SLC24A2: variants seen among roughly 807,000 people sequenced by gnomAD.
SLC24A2 encodes solute carrier family 24 member 2.
In SLC24A2, 36 loss-of-function variants were observed where a neutral mutation model predicts 62.0. That is an observed-to-expected ratio of 0.58 (90% CI 0.44 to 0.77). The LOEUF (loss-of-function observed/expected upper bound fraction) is 0.77, where lower values mean the gene tolerates loss of function less well. SLC24A2 is among the 30% of genes least tolerant of loss of function. The pLI, the probability that SLC24A2 is intolerant of heterozygous loss-of-function variation, is 0.00. For missense variants in SLC24A2, 846 were observed against 817.9 expected (o/e 1.03, Z -0.42); for synonymous variants, 358 against 294.0 (o/e 1.22, Z -2.23).
At chr9:19,823,667 A>T in the SLC24A2 span, among the ~76,000 whole-genome samples, 1 of 152,002 alleles carries the variant, frequency 6.6e-6, no homozygotes, top group East Asian at 1.9e-4. Flanking sequence ...AACACATCAG[A>T]CGAGATCAGG....
chr9:19,847,367 C>G, the SLC24A2 span, among the ~76,000 whole-genome samples: 3 of 152,176 alleles, frequency 2.0e-5, no homozygotes, highest in African/African-American at 7.2e-5. Flanking sequence ...ATAATGCAAA[C>G]CATATAATTA....
At chr9:19,702,413 A>T (rs1407162443) in intron 2 of SLC24A2, among the ~76,000 whole-genome samples, 2 of 152,216 alleles carry the variant, frequency 1.3e-5, no homozygotes, top group Non-Finnish European at 2.9e-5. Context: ...ATCTAACTTC[A>T]TCACAAACAA....
the SLC24A2 span, among the ~76,000 whole-genome samples, chr9:19,850,938 T>C: frequency 3.4e-5 from 1 of 29,820 alleles, no homozygotes; most frequent in East Asian, 7.8e-4. Flanking sequence ...TGGGCATATA[T>C]ATATATACAT....
chr9:19,786,100 A>G lies in SLC24A2; in HGVS notation c.767T>C (p.Phe256Ser), dbSNP rs1388530559. 2.4e-5 allele frequency: 38 copies of G among 1,614,084 alleles called. No individual in the cohort carries two copies. The highest frequency in any genetic ancestry group is 2.9e-5 in the Non-Finnish European group (34 of 1,180,016). Residue 256 changes from phenylalanine (F) to serine (S), a missense_variant, in exon 2 of 11, where the codon TTC becomes TCC. Physicochemically the swap from Phe to Ser is radical, Grantham distance 155. Coordinates refer to ENST00000341998, the MANE Select transcript of SLC24A2 (RefSeq NM_020344.4). The surrounding 1 kb of genome is among the most constrained non-coding windows in gnomAD (Gnocchi z 5.0). The part of the protein sequence containing the change: ...IVDLIMLIIF[F>S]LDNVIMWWES... The stretch of plus-strand genomic sequence containing the variant: ...CCACCACATGATGACATTATCCAGG[A>G]AAAATATGATCAGCATGATCAAGTC...
chr9:19,610,823 G>A (rs1265760392), intron 4 of SLC24A2, among the ~76,000 whole-genome samples: 1 of 152,228 alleles, frequency 6.6e-6, no homozygotes, highest in East Asian at 1.9e-4. Context: ...GAGACATATA[G>A]TTCCCTAGCA....
chr9:19,993,816 T>G, the SLC24A2 span, among the ~76,000 whole-genome samples: 1 of 152,266 alleles, frequency 6.6e-6, no homozygotes, highest in Non-Finnish European at 1.5e-5. Flanking sequence ...CCATTACCAC[T>G]AGTAACAGAG....
At chr9:19,957,242 G>A in the SLC24A2 span, among the ~76,000 whole-genome samples, 1 of 150,280 alleles carries the variant, frequency 6.7e-6, no homozygotes, top group African/African-American at 2.5e-5. Flanking sequence ...AGCCAGTTGT[G>A]TCTCTAGATC....
the SLC24A2 span, among the ~76,000 whole-genome samples, chr9:19,834,082 C>T: frequency 6.6e-6 from 1 of 152,108 alleles, no homozygotes; most frequent in Non-Finnish European, 1.5e-5. Context: ...CTGTACGTCA[C>T]CATCATCAAA....
the SLC24A2 span, among the ~76,000 whole-genome samples, chr9:19,895,297 G>T: frequency 5.1e-4 from 77 of 150,990 alleles, 1 homozygote; most frequent in South Asian, 1.9e-3. Flanking sequence ...TCAAACTGCA[G>T]ACAAATAAAA....
At chr9:19,973,602 T>A in the SLC24A2 span, among the ~76,000 whole-genome samples, 2 of 152,228 alleles carry the variant, frequency 1.3e-5, no homozygotes, top group Non-Finnish European at 2.9e-5. Context: ...AATTTTGTCC[T>A]CATTTGTAAA....
chr9:20,082,327 C>T, the SLC24A2 span, among the ~76,000 whole-genome samples: 4 of 152,170 alleles, frequency 2.6e-5, no homozygotes, highest in African/African-American at 9.7e-5. Flanking sequence ...GATCCAGGTC[C>T]TTATCTTCTT....
chr9:19,942,905 T>A, the SLC24A2 span, among the ~76,000 whole-genome samples: 1 of 152,148 alleles, frequency 6.6e-6, no homozygotes, highest in Admixed American at 6.5e-5. Context: ...CACTATCTCC[T>A]CCACTGGTTA....
rs189105388 is a variant in SLC24A2 at position 19,617,177 on chromosome 9, A to G, written c.1078+2407T>C. Among the ~76,000 whole-genome samples the G allele has an allele frequency of 2.0e-5, 3 of 152,264 alleles. No individual in the cohort carries two copies. The East Asian group carries it at 5.8e-4, about 29-fold the overall frequency. On this transcript the variant is annotated intron_variant, in intron 4 of 10. Coordinates refer to ENST00000341998, the MANE Select transcript of SLC24A2 (RefSeq NM_020344.4). ...TCGGATCATCAGGCATTAAATTCGA[A>G]TAAGGAGCACACAACCTAGATCTCT...
the SLC24A2 span, among the ~76,000 whole-genome samples, chr9:19,834,538 A>G: frequency 6.6e-6 from 1 of 152,326 alleles, no homozygotes; most frequent in Admixed American, 6.5e-5. Context: ...AAGAATAAAA[A>G]GAAATGAACA....
intron 8 of SLC24A2, among the ~76,000 whole-genome samples, chr9:19,546,967 G>A (rs1586934194): frequency 6.6e-6 from 1 of 151,978 alleles, no homozygotes; most frequent in African/African-American, 2.4e-5. Flanking sequence ...CACTTCCTGG[G>A]TGAGGCGACA....
At chr9:20,056,142 C>T in the SLC24A2 span, among the ~76,000 whole-genome samples, 1 of 152,068 alleles carries the variant, frequency 6.6e-6, no homozygotes, top group African/African-American at 2.4e-5. Flanking sequence ...TTTAAATGAG[C>T]TTATATATTT....
the SLC24A2 span, among the ~76,000 whole-genome samples, chr9:19,881,673 G>T: frequency 2.0e-5 from 3 of 152,148 alleles, no homozygotes; most frequent in Admixed American, 6.5e-5. Flanking sequence ...AGGCAACATT[G>T]CCAGTACTCT....
At chr9:20,195,677 T>C in the SLC24A2 span, among the ~76,000 whole-genome samples, 1 of 152,162 alleles carries the variant, frequency 6.6e-6, no homozygotes, top group Non-Finnish European at 1.5e-5. Flanking sequence ...TGAGTTTGGC[T>C]AGCCCTTTGC....
At chr9:19,682,539 T>C (rs1285355735) in intron 2 of SLC24A2, among the ~76,000 whole-genome samples, 1 of 152,104 alleles carries the variant, frequency 6.6e-6, no homozygotes, top group Non-Finnish European at 1.5e-5. Context: ...TCAATCTCTG[T>C]GGCCATGGTA....
Sources: gnomAD v4.1 joint callset for allele counts (sites outside exome capture counted in the v4.1 genomes callset) on GRCh38, gnomAD v4.1.1 for gene constraint, Gnocchi (gnomAD v3.1) non-coding constraint, MANE v1.5 for transcripts, NCBI Gene and HGNC (gene_info 2026-07-23, HGNC 2026-07-21) for gene names.